Variants in LCORL observed in about 807,000 individuals in gnomAD.
LCORL encodes ligand-dependent nuclear receptor corepressor-like protein.
LCORL carries 41 observed loss-of-function variants against 141.8 expected under a neutral mutation model. That is an observed-to-expected ratio of 0.29 (90% CI 0.23 to 0.38). LCORL has a LOEUF of 0.38. Among genes scored for constraint, LCORL ranks in the 10% least tolerant of loss-of-function variants. The probability of loss-of-function intolerance (pLI) is 1.00; values close to 1 mark genes in which losing one functional copy is unlikely to be tolerated. For missense variants in LCORL, 1,759 were observed against 2,035.0 expected (o/e 0.86, Z 2.61); for synonymous variants, 618 against 694.1 (o/e 0.89, Z 1.72).
In LCORL at chr4:17,971,001, G is replaced by A. The variant is rs141253919; in HGVS notation, c.220+1819C>T. On this transcript the variant is annotated intron_variant, in intron 2 of 7. Coordinates refer to ENST00000635767, the Ensembl canonical transcript of LCORL. ...AAATGACTGGAAAAACTAATTGTTG[G>A]TAAAAATAGATAACGCTCTAAGGGA... 3.5e-3 allele frequency among the ~76,000 whole-genome samples: 539 copies of A among 152,182 alleles called. 1 individual carries two copies. The highest frequency in any genetic ancestry group is 6.5e-3 in the Non-Finnish European group (439 of 67,990).
chr4:17,940,680 T>C, intron 4 of LCORL, among the ~76,000 whole-genome samples: 1 of 151,912 alleles, frequency 6.6e-6, no homozygotes, highest in East Asian at 1.9e-4. Context: ...CCACTGTTGT[T>C]TGTTGTCTAT....
At chr4:17,954,647 G>A (rs1419876592) in intron 4 of LCORL, among the ~76,000 whole-genome samples, 1 of 152,158 alleles carries the variant, frequency 6.6e-6, no homozygotes, top group African/African-American at 2.4e-5. Context: ...AGTATAACCA[G>A]ACCAGATGGG....
intron 4 of LCORL, among the ~76,000 whole-genome samples, chr4:17,954,049 G>A (rs1421303454): frequency 6.6e-6 from 1 of 152,150 alleles, no homozygotes; most frequent in Admixed American, 6.5e-5. Context: ...TGTAATCCCA[G>A]CTACAGGGGA....
At chr4:17,855,518 T>C (rs570632931) in intron 7 of LCORL, among the ~76,000 whole-genome samples, 1 of 152,296 alleles carries the variant, frequency 6.6e-6, no homozygotes, top group East Asian at 1.9e-4. Context: ...CAATATCAAA[T>C]TGATTGCATT....
intron 4 of LCORL, among the ~76,000 whole-genome samples, chr4:17,950,853 G>A (rs1037583591): frequency 4.6e-5 from 7 of 152,076 alleles, no homozygotes; most frequent in Non-Finnish European, 1.0e-4. Flanking sequence ...AAGTGAGTTT[G>A]ATCATGACAG....
intron 1 of LCORL, among the ~76,000 whole-genome samples, chr4:17,982,431 C>CT (rs1718181089): frequency 6.6e-6 from 1 of 152,106 alleles, no homozygotes. Context: ...TCTCTGCAAC[C>CT]TTGCCAGCAT....
intron 7 of LCORL, among the ~76,000 whole-genome samples, chr4:17,857,157 A>G (rs1724452120): frequency 6.6e-6 from 1 of 152,058 alleles, no homozygotes; most frequent in East Asian, 1.9e-4. Context: ...ATACGGAGAG[A>G]ACCCCAACAG....
chr4:18,021,608 C>G lies in LCORL; in HGVS notation c.144G>C (p.Met48Ile). 6.5e-7 allele frequency: 1 copy of G among 1,545,906 alleles called. No individual in the cohort carries two copies. Among genetic ancestry groups the G allele is most frequent in the Non-Finnish European group, 8.7e-7 (1 of 1,145,090 alleles). Residue 48 changes from methionine (M) to isoleucine (I), a missense_variant, in exon 1 of 8, where the codon ATG (methionine) becomes ATC (isoleucine). This residue lies in a region of LCORL where 10 missense variants were observed against 24.7 expected (regional missense o/e 0.40). Coordinates refer to ENST00000635767, the Ensembl canonical transcript of LCORL. The surrounding 1 kb of genome is among the most constrained non-coding windows in gnomAD (Gnocchi z 5.5). The stretch of plus-strand genomic sequence containing the variant: ...CCGCGTCTCTCTTACCTACACAGTG[C>G]ATGAGGCGGTGGCGCCAAGAGTCGA...
At chr4:17,914,000 CAT>C in intron 4 of LCORL, among the ~76,000 whole-genome samples, 1 of 152,280 alleles carries the variant, frequency 6.6e-6, no homozygotes, top group Non-Finnish European at 1.5e-5. Flanking sequence ...AAAGTCCCCT[CAT>C]ATTTGTTAAC....
intron 4 of LCORL, among the ~76,000 whole-genome samples, chr4:17,931,239 G>C (rs1477841514): frequency 1.3e-5 from 2 of 151,926 alleles, no homozygotes; most frequent in Non-Finnish European, 2.9e-5. Flanking sequence ...AGGTTAACTA[G>C]TGGTCTATTT....
intron 4 of LCORL, among the ~76,000 whole-genome samples, chr4:17,916,693 G>A (rs1733490701): frequency 1.4e-5 from 2 of 146,484 alleles, no homozygotes; most frequent in African/African-American, 5.1e-5. Flanking sequence ...CACCCAGGCT[G>A]GAGTGCAGAG....
intron 2 of LCORL, 133 bp from the exon 3 acceptor site, chr4:17,963,182 T>C (rs969498402): frequency 4.4e-6 from 2 of 459,532 alleles, no homozygotes; most frequent in African/African-American, 4.1e-5. Flanking sequence ...GAACTAACTT[T>C]AAAATTAAAC....
chr4:17,923,927 G>A lies in LCORL; in HGVS notation c.431-14582C>T, dbSNP rs143604580. On this transcript the variant is annotated intron_variant, in intron 4 of 7. Coordinates refer to ENST00000635767, the Ensembl canonical transcript of LCORL. The stretch of plus-strand genomic sequence containing the variant: ...CATGATTCTTCCAAGTCCATGCAGT[G>A]TGGGCTTTCCCTTCCAAGTCTAGGA... Among the ~76,000 whole-genome samples the A allele has an allele frequency of 2.4e-3, 369 of 151,972 alleles. 1 individual carries two copies. Among genetic ancestry groups the A allele is most frequent in the African/African-American group, 8.0e-3 (330 of 41,466 alleles).
chr4:17,925,878 CAAA>C (rs71167343), intron 4 of LCORL, among the ~76,000 whole-genome samples: 4 of 96,630 alleles, frequency 4.1e-5, no homozygotes, highest in African/African-American at 2.2e-4. Context: ...GATTCCATCT[CAAA>C]AAAAAAAAAA....
intron 4 of LCORL, among the ~76,000 whole-genome samples, chr4:17,953,385 T>C (rs978706866): frequency 1.3e-5 from 2 of 152,170 alleles, no homozygotes; most frequent in African/African-American, 4.8e-5. Context: ...TGTTCCCTTT[T>C]CTCCACAACT....
At chr4:17,879,803 A>G (rs1000883427) in intron 6 of LCORL, among the ~76,000 whole-genome samples, 2 of 151,250 alleles carry the variant, frequency 1.3e-5, no homozygotes, top group Admixed American at 6.6e-5. Flanking sequence ...GTTATGGCAT[A>G]ATAAAGAGAG....
Position 17,893,257 on chromosome 4 carries a change from T to C in LCORL, c.683-7096A>G, listed in dbSNP as rs78579879. Reference sequence around the variant, plus strand: ...CTTTTAGATCCAGCAATTTCACTTCTAGGAATTTGTCCTGAAGTAAAAATT... The same window carrying C: ...CTTTTAGATCCAGCAATTTCACTTCCAGGAATTTGTCCTGAAGTAAAAATT... On this transcript the variant is annotated intron_variant, in intron 5 of 7. Coordinates refer to ENST00000635767, the Ensembl canonical transcript of LCORL. The C allele has an allele frequency of 8.2e-3, 3,867 of 471,074 alleles. 21 individuals are homozygous for C. The highest frequency in any genetic ancestry group is 0.013 in the Middle Eastern group (13 of 978). The allele number at this position is 471,074 out of a possible 1,614,324, so 29.2% of individuals were successfully genotyped here.
rs565349732 is a variant in LCORL, at chr4:17,908,919, A to G, written c.682+175T>C. ...CTCAGATTTTCTCTTTTATAAACAAAGATGCAAGTACAAAAGCTGTAAATA... is the reference window on the plus strand; with the variant it reads ...CTCAGATTTTCTCTTTTATAAACAAGGATGCAAGTACAAAAGCTGTAAATA... On this transcript the variant is annotated intron_variant, in intron 5 of 7. Transcript: ENST00000635767. Among the ~76,000 whole-genome samples, 8 of 152,328 alleles carry G rather than the reference A, an allele frequency of 5.3e-5. No individual in the cohort carries two copies. The South Asian group carries it at 1.7e-3, about 32-fold the overall frequency.
rs148256132 is a variant in LCORL at position 17,898,917 on chromosome 4, C to A, written c.682+10177G>T. ...TGTCAATGCCTCCATAAGGACTGCA[C>A]CAGTTTGTATTTCCACAGTAATGCA... On this transcript the variant is annotated intron_variant, in intron 5 of 7. Coordinates refer to ENST00000635767, the Ensembl canonical transcript of LCORL. 1.6e-4 allele frequency among the ~76,000 whole-genome samples: 24 copies of A among 152,260 alleles called. No homozygotes were observed. The East Asian group carries it at 4.3e-3, about 27-fold the overall frequency.
Sources: allele counts gnomAD v4.1 joint callset (sites outside exome capture counted in the v4.1 genomes callset), GRCh38; gene constraint gnomAD v4.1.1; regional missense constraint gnomAD v4.1.1; non-coding constraint Gnocchi (gnomAD v3.1); transcripts MANE v1.5; gene names NCBI Gene and HGNC (gene_info 2026-07-23, HGNC 2026-07-21).